ROR2: variants seen among roughly 807,000 people sequenced by gnomAD.
ROR2 encodes tyrosine-protein kinase transmembrane receptor ROR2.
ROR2 carries 33 observed loss-of-function variants against 74.9 expected under a neutral mutation model. That is an observed-to-expected ratio of 0.44 (90% CI 0.33 to 0.59). The LOEUF is 0.59. ROR2 is among the 20% of genes least tolerant of loss of function. The probability of loss-of-function intolerance (pLI) is 0.02; values close to 1 mark genes in which losing one functional copy is unlikely to be tolerated. For missense variants in ROR2, 1,216 were observed against 1,313.8 expected (o/e 0.93, Z 1.15); for synonymous variants, 586 against 558.7 (o/e 1.05, Z -0.69).
chr9:91,856,753 T>A (rs1050005323), intron 1 of ROR2, among the ~76,000 whole-genome samples: 1 of 152,226 alleles, frequency 6.6e-6, no homozygotes, highest in African/African-American at 2.4e-5. Context: ...ACAAATACGA[T>A]GTCCTTGTCT....
chr9:91,766,232 C>T (rs1826054346), intron 2 of ROR2, among the ~76,000 whole-genome samples: 1 of 152,196 alleles, frequency 6.6e-6, no homozygotes, highest in Admixed American at 6.5e-5. Flanking sequence ...TCCATGACGC[C>T]TTCAGAATTC....
intron 1 of ROR2, among the ~76,000 whole-genome samples, chr9:91,881,098 C>T (rs918633590): frequency 1.3e-5 from 2 of 152,168 alleles, no homozygotes; most frequent in African/African-American, 4.8e-5. Flanking sequence ...AAGGAACTTC[C>T]ATATACTCTA....
At chr9:91,743,867 C>T (rs1825322297) in intron 4 of ROR2, among the ~76,000 whole-genome samples, 1 of 152,154 alleles carries the variant, frequency 6.6e-6, no homozygotes, top group Non-Finnish European at 1.5e-5. Flanking sequence ...TCAAAAATCA[C>T]AATATTGAAA....
intron 1 of ROR2, among the ~76,000 whole-genome samples, chr9:91,787,452 CAG>C (rs1826838846): frequency 6.6e-6 from 1 of 152,142 alleles, no homozygotes; most frequent in Non-Finnish European, 1.5e-5. Context: ...CTGCAGTGAG[CAG>C]AGATCAGGCC....
rs535562671 is a variant in ROR2 at position 91,788,541 on chromosome 9, G to GA, written c.98-12724dup. 4.5e-3 allele frequency among the ~76,000 whole-genome samples: 632 copies of GA among 141,540 alleles called. 3 individuals carry two copies. The highest frequency in any genetic ancestry group is 7.1e-3 in the Middle Eastern group (2 of 280). 92.9% of individuals were successfully genotyped at this position (141,540 alleles called of 152,430 possible). A position where few individuals can be genotyped will look rare whatever the true frequency, so the allele number is the denominator to read the frequency against. Reference sequence around the variant, plus strand: ...GGGACAACACAATCATAGTGTTGGGGAAAAAAAAAAAAAGATTTTTCAATC... The same window carrying GA: ...GGGACAACACAATCATAGTGTTGGGGAAAAAAAAAAAAAAGATTTTTCAATC... On this transcript the variant is annotated intron_variant, in intron 1 of 8. Transcript: ENST00000375708.
At position 91,723,650 on chromosome 9, in the gene ROR2, C is replaced by G. The variant is rs987563826; in HGVS notation, c.*12G>C. 8 of 1,612,612 alleles carry G rather than the reference C, an allele frequency of 5.0e-6. No homozygotes were observed. Among genetic ancestry groups the G allele is most frequent in the Non-Finnish European group, 5.9e-6 (7 of 1,179,656 alleles). On this transcript the variant is annotated 3_prime_UTR_variant, in exon 9 of 9. Coordinates refer to ENST00000375708, the MANE Select transcript of ROR2 (RefSeq NM_004560.4). ...GGGGCTTCTATCCCCGAACCCCGGG[C>G]CCTGGTGCCACTCAAGCTTCCAGCT...
chr9:91,886,390 G>A (rs994181290), intron 1 of ROR2, among the ~76,000 whole-genome samples: 2 of 152,164 alleles, frequency 1.3e-5, no homozygotes, highest in Non-Finnish European at 2.9e-5. Flanking sequence ...TGGGCCGGTA[G>A]ACGTCGGCGT....
chr9:91,726,026 C>G (rs1837017434), intron 8 of ROR2, among the ~76,000 whole-genome samples: 1 of 152,222 alleles, frequency 6.6e-6, no homozygotes, highest in Non-Finnish European at 1.5e-5. Context: ...AGCACATGTT[C>G]TCATCTGTTG....
intron 1 of ROR2, among the ~76,000 whole-genome samples, chr9:91,859,524 G>GA (rs142002199): frequency 0.018 from 2,756 of 151,978 alleles, 95 homozygotes; most frequent in African/African-American, 0.063. Context: ...GTCTCTTTTG[G>GA]AAAAAAACAT....
At chr9:91,778,676 C>A (rs537514473) in intron 1 of ROR2, among the ~76,000 whole-genome samples, 6 of 152,180 alleles carry the variant, frequency 3.9e-5, no homozygotes, top group Non-Finnish European at 8.8e-5. Flanking sequence ...CAAACCCACA[C>A]GTCCTCCGTT....
rs1038138072 is a variant in ROR2 at position 91,723,039 on chromosome 9, T to C, written c.*623A>G. On this transcript the variant is annotated 3_prime_UTR_variant, in exon 9 of 9. Coordinates refer to ENST00000375708, the MANE Select transcript of ROR2 (RefSeq NM_004560.4). ...ATTTCACCAAATACAAAGCTGTCAG[T>C]TTCTTTGAAGGCACACATTTTGTTG... The C allele has an allele frequency of 5.5e-5, 9 of 163,896 alleles. No homozygotes were observed. Among genetic ancestry groups the C allele is most frequent in the African/African-American group, 1.7e-4 (7 of 41,874 alleles). 10.2% of individuals were successfully genotyped at this position (163,896 alleles called of 1,614,324 possible).
intron 1 of ROR2, among the ~76,000 whole-genome samples, chr9:91,870,779 A>G (rs1042775562): frequency 2.6e-5 from 4 of 152,250 alleles, no homozygotes; most frequent in Non-Finnish European, 5.9e-5. Flanking sequence ...TATGGCACTG[A>G]TTTTTGCAGG....
At position 91,905,542 on chromosome 9, in the gene ROR2, C is replaced by G. The variant is rs915475706; in HGVS notation, c.97+44325G>C. On this transcript the variant is annotated intron_variant, in intron 1 of 8. Coordinates refer to ENST00000375708, the MANE Select transcript of ROR2 (RefSeq NM_004560.4). The surrounding 1 kb of genome is among the most constrained non-coding windows in gnomAD (Gnocchi z 5.3). ...CACACTACACACAACCCAACATACA[C>G]AGACACAATACAACACATACACAAA... Among the ~76,000 whole-genome samples, 1 of 151,510 alleles carries G rather than the reference C, an allele frequency of 6.6e-6. No individual in the cohort carries two copies. Among genetic ancestry groups the G allele is most frequent in the Non-Finnish European group, 1.5e-5 (1 of 67,924 alleles).
At chr9:91,734,506 G>A (rs796785695) in intron 5 of ROR2, among the ~76,000 whole-genome samples, 6 of 152,286 alleles carry the variant, frequency 3.9e-5, no homozygotes, top group African/African-American at 1.4e-4. Context: ...CAAGAATGCT[G>A]GCCTTGACCT....
At chr9:91,896,730 C>CT (rs957226445) in intron 1 of ROR2, among the ~76,000 whole-genome samples, 7 of 151,600 alleles carry the variant, frequency 4.6e-5, no homozygotes, top group African/African-American at 9.7e-5. Flanking sequence ...TCTAAGGGCA[C>CT]TTTTTTTTTC....
In ROR2 at chr9:91,723,558, C is replaced by T. The variant is rs1723332519; in HGVS notation, c.*104G>A. On this transcript the variant is annotated 3_prime_UTR_variant, in exon 9 of 9. Transcript: ENST00000375708. ...GTCTGCAAACAAGCCCACTGGCCGG[C>T]GGGCTCTTGTGATTGCTGAGTATGG... 13 of 1,500,360 alleles carry T rather than the reference C, an allele frequency of 8.7e-6. No individual in the cohort carries two copies. The highest frequency in any genetic ancestry group is 2.3e-5 in the East Asian group (1 of 44,072). The allele number at this position is 1,500,360 out of a possible 1,614,324, so 92.9% of individuals were successfully genotyped here.
chr9:91,944,440 T>C (rs1475744531), intron 1 of ROR2, among the ~76,000 whole-genome samples: 5 of 152,192 alleles, frequency 3.3e-5, no homozygotes, highest in African/African-American at 1.2e-4. Context: ...TTATGCCTAT[T>C]TGTAGATGAT....
intron 1 of ROR2, among the ~76,000 whole-genome samples, chr9:91,852,408 G>T (rs1388595650): frequency 2.0e-5 from 3 of 152,172 alleles, no homozygotes; most frequent in African/African-American, 7.2e-5. Context: ...TAGTGTCCTG[G>T]AGACCAGCTT....
intron 1 of ROR2, among the ~76,000 whole-genome samples, chr9:91,910,645 T>G (rs761770956): frequency 6.6e-6 from 1 of 151,496 alleles, no homozygotes; most frequent in East Asian, 1.9e-4. Context: ...TTGGTTTTCA[T>G]TAAATACATA....
Sources: gnomAD v4.1 joint callset for allele counts (sites outside exome capture counted in the v4.1 genomes callset) on GRCh38, gnomAD v4.1.1 for gene constraint, Gnocchi (gnomAD v3.1) non-coding constraint, MANE v1.5 for transcripts, NCBI Gene and HGNC (gene_info 2026-07-23, HGNC 2026-07-21) for gene names.